Variants in RALGAPA1 observed in about 807,000 individuals in gnomAD.
RALGAPA1 encodes the protein ral GTPase-activating protein subunit alpha-1.
Under a neutral mutation model 269.6 loss-of-function variants are expected in RALGAPA1, and 52 were observed. The observed-to-expected ratio is 0.19, with a 90% CI of 0.15 to 0.24. RALGAPA1 has a LOEUF of 0.24. RALGAPA1 is among the 10% of genes least tolerant of loss of function. The pLI is 1.00. For missense variants in RALGAPA1, 1,917 were observed against 3,013.9 expected, an observed-to-expected ratio of 0.64 and a Z score of 8.52; for synonymous variants, 817 against 1,008.3, an observed-to-expected ratio of 0.81 and a Z score of 3.60.
At chr14:35,734,058 CACAA>C (rs2070751447) in intron 12 of RALGAPA1, among the ~76,000 whole-genome samples, 1 of 152,086 alleles carries the variant, frequency 6.6e-6, no homozygotes, top group Non-Finnish European at 1.5e-5. Context: ...TCGCAGATGA[CACAA>C]ACAAATGCAA....
chr14:35,753,975 C>T (rs2072962338), intron 7 of RALGAPA1, among the ~76,000 whole-genome samples: 2 of 152,120 alleles, frequency 1.3e-5, no homozygotes, highest in Admixed American at 6.6e-5. Context: ...TTACACAGTA[C>T]TTCCCCACAA....
At chr14:35,623,282 A>G (rs948427489) in intron 35 of RALGAPA1, among the ~76,000 whole-genome samples, 1 of 152,078 alleles carries the variant, frequency 6.6e-6, no homozygotes, top group African/African-American at 2.4e-5. Flanking sequence ...CAACCAGGAA[A>G]GCTCCCACGA....
chr14:35,581,674 G>A (rs1358080169), intron 37 of RALGAPA1, among the ~76,000 whole-genome samples: 1 of 152,052 alleles, frequency 6.6e-6, no homozygotes, highest in Admixed American at 6.6e-5. Context: ...AAAGCACAAC[G>A]AAATATCATT....
At chr14:35,630,914 T>C (rs144413067) in intron 33 of RALGAPA1, among the ~76,000 whole-genome samples, 4 of 152,174 alleles carry the variant, frequency 2.6e-5, no homozygotes, top group African/African-American at 9.6e-5. Context: ...GTTCCAATTA[T>C]ATTGAAATTT....
intron 39 of RALGAPA1, among the ~76,000 whole-genome samples, chr14:35,550,297 C>T (rs2054870999): frequency 6.6e-6 from 1 of 152,034 alleles, no homozygotes; most frequent in African/African-American, 2.4e-5. Flanking sequence ...TAAAAGTTTC[C>T]CTGTGGTACT....
intron 1 of RALGAPA1, among the ~76,000 whole-genome samples, chr14:35,778,815 T>C (rs376562706): frequency 4.1e-4 from 63 of 152,156 alleles, no homozygotes; most frequent in African/African-American, 1.4e-3. Context: ...CTAGACAAAA[T>C]AATAATGTGT....
Position 35,572,677 on chromosome 14 carries a change from T to C in RALGAPA1, c.7251A>G (p.Ser2417=). 3 of 1,605,534 alleles carry C rather than the reference T, an allele frequency of 1.9e-6. No homozygotes were observed. The highest frequency in any genetic ancestry group is 2.5e-6 in the Non-Finnish European group (3 of 1,176,722). ...LGNDEVHIVW[S]EHTRDYRRGI... is the part of the protein sequence containing the mutation. Reference sequence around the variant, plus strand: ...CTCTCCTGTAGTCTCTAGTATGCTCTGACCAAACAATGTGCACTTCATCAT... The same window carrying C: ...CTCTCCTGTAGTCTCTAGTATGCTCCGACCAAACAATGTGCACTTCATCAT... The change falls in exon 38 of 42, where the codon TCA becomes TCG. Residue 2417 remains serine (S), a synonymous_variant. Transcript: ENST00000680220.
intron 17 of RALGAPA1, 65 bp downstream of exon 17, chr14:35,700,097 A>G: frequency 7.1e-7 from 1 of 1,417,758 alleles, no homozygotes; most frequent in Non-Finnish European, 9.3e-7. Flanking sequence ...TGATTAAGCA[A>G]AATTTGAAAG....
chr14:35,572,261 T>C (rs1043606199), intron 38 of RALGAPA1, among the ~76,000 whole-genome samples: 3 of 152,194 alleles, frequency 2.0e-5, no homozygotes, highest in Non-Finnish European at 4.4e-5. Flanking sequence ...TTTAGGAAAT[T>C]GTAATTGTTC....
chr14:35,718,981 G>A (rs973085041), intron 16 of RALGAPA1, among the ~76,000 whole-genome samples: 9 of 151,732 alleles, frequency 5.9e-5, no homozygotes, highest in African/African-American at 1.9e-4. Context: ...CTGGCACTAC[G>A]GGCATGCGCC....
At chr14:35,750,106 G>T (rs1009014167) in intron 9 of RALGAPA1, among the ~76,000 whole-genome samples, 4 of 152,030 alleles carry the variant, frequency 2.6e-5, no homozygotes, top group African/African-American at 7.2e-5. Flanking sequence ...GTGTGAACAG[G>T]TCTTTTAATC....
In RALGAPA1 at chr14:35,750,496, G is replaced by A. The variant is rs753454681; in HGVS notation, c.997C>T (p.Pro333Ser). 1 of 1,612,280 alleles carries A rather than the reference G, an allele frequency of 6.2e-7. No homozygotes were observed. Reference protein sequence around the residue: ...HIPGMEGEVLPKNIQRAAASL... With the variant: ...HIPGMEGEVLSKNIQRAAASL... ...TTGTGCATTACCTGAATATTCTTTGGCAAGACTTCACCTTCCATCCCAGGA... is the reference window on the plus strand; with the variant it reads ...TTGTGCATTACCTGAATATTCTTTGACAAGACTTCACCTTCCATCCCAGGA... The change falls in exon 9 of 42, where the codon CCA becomes TCA. Residue 333 changes from proline (P) to serine (S), a missense_variant. Coordinates refer to ENST00000680220, the MANE Select transcript of RALGAPA1 (RefSeq NM_001346249.2).
chr14:35,748,833 C>CAAAAAAAAAAA lies in RALGAPA1; in HGVS notation c.1012-20_1012-10dup. On this transcript the variant is annotated splice_polypyrimidine_tract_variant and intron_variant, in intron 9 of 41. Transcript: ENST00000680220. ...AAACTAGCAGCTGCTCTCTAAAATA[C>CAAAAAAAAAAA]AAAAAAAAAAAAAAAAGAGAGAAAC... 1.5e-6 allele frequency: 2 copies of CAAAAAAAAAAA among 1,298,068 alleles called. No homozygotes were observed. The highest frequency in any genetic ancestry group is 3.6e-5 in the South Asian group (2 of 55,926). 80.4% of individuals were successfully genotyped at this position (1,298,068 alleles called of 1,614,324 possible).
intron 21 of RALGAPA1, among the ~76,000 whole-genome samples, chr14:35,680,601 T>C (rs548798023): frequency 6.6e-6 from 1 of 151,946 alleles, no homozygotes; most frequent in African/African-American, 2.4e-5. Context: ...TATTTATTTA[T>C]TTATTTATTT....
At chr14:35,716,064 C>T (rs1595287411) in intron 16 of RALGAPA1, 2 of 984,858 alleles carry the variant, frequency 2.0e-6, no homozygotes, top group African/African-American at 3.5e-5. Context: ...CCCTTTCTTC[C>T]CAATTTTTTA....
intron 21 of RALGAPA1, among the ~76,000 whole-genome samples, chr14:35,683,104 G>A (rs753964096): frequency 3.3e-4 from 51 of 152,268 alleles, no homozygotes; most frequent in Admixed American, 7.2e-4. Context: ...TCATCAAGGG[G>A]CAAACTGTAG....
chr14:35,741,431 G>T (rs1193997392), intron 11 of RALGAPA1, among the ~76,000 whole-genome samples: 3 of 151,586 alleles, frequency 2.0e-5, no homozygotes, highest in Non-Finnish European at 4.4e-5. Flanking sequence ...AGGGGGGAGG[G>T]TGCTCTATGT....
chr14:35,647,916 C>G (rs1433683508), intron 31 of RALGAPA1, among the ~76,000 whole-genome samples: 1 of 151,608 alleles, frequency 6.6e-6, no homozygotes, highest in Admixed American at 6.6e-5. Context: ...CCACTGCACT[C>G]CAGCCTGGGT....
At chr14:35,771,351 G>A (rs1311236012) in intron 3 of RALGAPA1, among the ~76,000 whole-genome samples, 3 of 152,032 alleles carry the variant, frequency 2.0e-5, no homozygotes, top group Admixed American at 6.6e-5. Context: ...CCGAGATCAC[G>A]CCACTGCCCT....
Sources: allele counts gnomAD v4.1 joint callset (sites outside exome capture counted in the v4.1 genomes callset), GRCh38; gene constraint gnomAD v4.1.1; transcripts MANE v1.5; gene names NCBI Gene and HGNC (gene_info 2026-07-23, HGNC 2026-07-21).